Variants in ASAP1 observed in about 807,000 individuals in gnomAD.
ASAP1 encodes arf-GAP with SH3 domain, ANK repeat and PH domain-containing protein 1.
ASAP1 carries 43 observed loss-of-function variants against 145.2 expected under a neutral mutation model. The observed-to-expected ratio is 0.30, with a 90% CI of 0.23 to 0.38. The LOEUF (loss-of-function observed/expected upper bound fraction) is 0.38. Among genes scored for constraint, ASAP1 ranks in the 10% least tolerant of loss-of-function variants. The pLI is 1.00. For missense variants in ASAP1, 1,018 were observed against 1,355.3 expected (o/e 0.75, Z 3.91); for synonymous variants, 546 against 515.5 (o/e 1.06, Z -0.80).
At chr8:130,246,183 C>CA (rs1014595151) in intron 3 of ASAP1, among the ~76,000 whole-genome samples, 1 of 151,836 alleles carries the variant, frequency 6.6e-6, no homozygotes, top group Admixed American at 6.6e-5. Flanking sequence ...TCCCCTTCGC[C>CA]CCCCCATGGG....
chr8:130,378,704 A>G (rs77773260), intron 2 of ASAP1, among the ~76,000 whole-genome samples: 15,677 of 152,242 alleles, frequency 0.1, 956 homozygotes, highest in South Asian at 0.28. Context: ...GAGAAGGTTC[A>G]GTCTGGCTGC....
At chr8:130,379,678 G>A (rs943814741) in intron 2 of ASAP1, among the ~76,000 whole-genome samples, 1 of 152,208 alleles carries the variant, frequency 6.6e-6, no homozygotes, top group Non-Finnish European at 1.5e-5. Flanking sequence ...AGTGGTGTCA[G>A]AAAGAAGACA....
intron 5 of ASAP1, among the ~76,000 whole-genome samples, chr8:130,188,820 G>A (rs541671118): frequency 6.6e-5 from 10 of 151,408 alleles, no homozygotes; most frequent in African/African-American, 9.7e-5. Context: ...TACAGTACAC[G>A]TATATGTGTA....
chr8:130,340,455 C>T (rs1825303852), intron 3 of ASAP1, among the ~76,000 whole-genome samples: 1 of 152,166 alleles, frequency 6.6e-6, no homozygotes, highest in South Asian at 2.1e-4. Context: ...ACTCTGTCTC[C>T]CTTCATACTA....
intron 13 of ASAP1, among the ~76,000 whole-genome samples, chr8:130,152,159 G>A (rs1289005713): frequency 1.3e-5 from 2 of 152,188 alleles, no homozygotes; most frequent in Non-Finnish European, 2.9e-5. Context: ...ACTTGGCACA[G>A]GATACTGTAA....
chr8:130,430,499 T>C (rs1227605562), intron 1 of ASAP1, among the ~76,000 whole-genome samples: 5 of 152,228 alleles, frequency 3.3e-5, no homozygotes, highest in South Asian at 4.2e-4. Context: ...GTCTGAGCAG[T>C]TGAAACGTCC....
chr8:130,432,070 AGGAGGG>A (rs559598241), intron 1 of ASAP1, among the ~76,000 whole-genome samples: 2 of 92,946 alleles, frequency 2.2e-5, no homozygotes, highest in Non-Finnish European at 4.1e-5. Context: ...GGAGGAAAGG[AGGAGGG>A]GGAGGGGGAA....
At position 130,061,018 on chromosome 8, in the gene ASAP1, G is replaced by A. The variant is rs748502745; in HGVS notation, c.2753C>T (p.Pro918Leu). The A allele has an allele frequency of 7.1e-6, 11 of 1,550,854 alleles. No individual in the cohort carries two copies. Among genetic ancestry groups the A allele is most frequent in the Non-Finnish European group, 8.7e-6 (10 of 1,152,738 alleles). Residue 918 changes from proline to leucine, a missense_variant, in exon 28 of 30, where the codon CCC becomes CTC. Transcript: ENST00000518721. ...CTGTGATGATTTCTGAAAGATTTCG[G>A]GCGGGATGGTGGCTTTGTCTAGGGA... is the stretch of plus-strand genomic sequence containing the variant. Reference protein sequence around the residue: ...HLSLDKATIPPEIFQKSSQLA... With the variant: ...HLSLDKATIPLEIFQKSSQLA...
At chr8:130,420,246 AC>A (rs1182594674) in intron 1 of ASAP1, among the ~76,000 whole-genome samples, 1 of 134,788 alleles carries the variant, frequency 7.4e-6, no homozygotes, top group Non-Finnish European at 1.7e-5. Context: ...ACACACACAC[AC>A]ACACACACAC....
intron 3 of ASAP1, among the ~76,000 whole-genome samples, chr8:130,331,705 A>T (rs77847984): frequency 1.3e-5 from 2 of 152,226 alleles, no homozygotes; most frequent in African/African-American, 4.8e-5. Context: ...CAAGCCCTCA[A>T]AATCATGTAG....
chr8:130,167,736 A>G (rs2097682877), intron 10 of ASAP1, 114 bp from the exon 11 acceptor site: 1 of 734,962 alleles, frequency 1.4e-6, no homozygotes. Context: ...TTTTCTTACT[A>G]AAAGTCCTTT....
intron 1 of ASAP1, among the ~76,000 whole-genome samples, chr8:130,424,296 C>G (rs1829829770): frequency 6.6e-6 from 1 of 152,184 alleles, no homozygotes; most frequent in Non-Finnish European, 1.5e-5. Context: ...GATCTCCCAG[C>G]CCAGGAGGAC....
In ASAP1 at chr8:130,169,017, TC is replaced by T; in HGVS notation, c.796del (p.Glu266LysfsTer10). 6.3e-7 allele frequency: 1 copy of T among 1,576,206 alleles called. No individual in the cohort carries two copies. Among genetic ancestry groups the T allele is most frequent in the South Asian group, 1.2e-5 (1 of 83,276 alleles). ...ATTATATAAATCAGCAGCCAGTTTT[TC>T]AATGTACTGTTTCAACTTATCAGCT... ...KTADKLKQYI[E>X]KLAADLYNIK... On this transcript the variant is annotated frameshift_variant, in exon 10 of 30. Coordinates refer to ENST00000518721, the MANE Select transcript of ASAP1 (RefSeq NM_018482.4). LOFTEE classifies it high-confidence loss of function.
At chr8:130,379,415 T>C (rs1827661769) in intron 2 of ASAP1, among the ~76,000 whole-genome samples, 1 of 152,286 alleles carries the variant, frequency 6.6e-6, no homozygotes, top group Non-Finnish European at 1.5e-5. Flanking sequence ...TAGCCAATCA[T>C]CACACTTGAG....
intron 4 of ASAP1, among the ~76,000 whole-genome samples, chr8:130,234,984 A>G (rs75459265): frequency 0.011 from 1,683 of 152,278 alleles, 28 homozygotes; most frequent in African/African-American, 0.039. Context: ...ACTATGTGGC[A>G]GGCAGTGTAT....
chr8:130,271,121 C>A (rs1272167264), intron 3 of ASAP1, among the ~76,000 whole-genome samples: 3 of 152,234 alleles, frequency 2.0e-5, no homozygotes, highest in Admixed American at 1.3e-4. Flanking sequence ...ACTTGCCCTG[C>A]AAGCAACAAA....
intron 5 of ASAP1, among the ~76,000 whole-genome samples, chr8:130,192,385 T>C (rs1260020263): frequency 6.6e-6 from 1 of 151,934 alleles, no homozygotes; most frequent in African/African-American, 2.4e-5. Flanking sequence ...GAGGAAGGCT[T>C]TGGATCATAA....
intron 13 of ASAP1, among the ~76,000 whole-genome samples, chr8:130,142,844 A>C (rs2097615633): frequency 1.4e-5 from 2 of 147,966 alleles, no homozygotes; most frequent in South Asian, 4.6e-4. Context: ...GAGAAAGCAG[A>C]GTGGCCAGTT....
intron 3 of ASAP1, among the ~76,000 whole-genome samples, chr8:130,311,761 C>CAAAAAAAAAAAAAAAAAAA (rs201264577): frequency 2.3e-5 from 2 of 85,366 alleles, no homozygotes; most frequent in East Asian, 3.2e-4. Flanking sequence ...AACTCCGTCT[C>CAAAAAAAAAAAAAAAAAAA]AAAAAAAAAA....
Sources: gnomAD v4.1 joint callset for allele counts (sites outside exome capture counted in the v4.1 genomes callset) on GRCh38, gnomAD v4.1.1 for gene constraint, MANE v1.5 for transcripts, NCBI Gene and HGNC (gene_info 2026-07-23, HGNC 2026-07-21) for gene names.